DCC: variants seen among roughly 807,000 people sequenced by gnomAD.
DCC encodes the protein DCC netrin 1 receptor.
DCC carries 58 observed loss-of-function variants against 172.5 expected under a neutral mutation model. The ratio of observed to expected loss-of-function variants is 0.34; its 90% CI spans 0.27 to 0.42. The LOEUF (loss-of-function observed/expected upper bound fraction) is 0.42, where lower values mean the gene tolerates loss of function less well. DCC is among the 10% of genes least tolerant of loss of function. The pLI is 1.00. For missense variants in DCC, 1,740 were observed against 1,791.0 expected, an observed-to-expected ratio of 0.97 and a Z score of 0.51; for synonymous variants, 709 against 644.5, an observed-to-expected ratio of 1.10 and a Z score of -1.52.
chr18:52,954,102 C>G (rs1370285344), intron 5 of DCC, among the ~76,000 whole-genome samples: 1 of 152,182 alleles, frequency 6.6e-6, no homozygotes, highest in Admixed American at 6.5e-5. Context: ...CTGTGTTCAA[C>G]TTCCCTTTCA....
intron 5 of DCC, among the ~76,000 whole-genome samples, chr18:52,979,266 G>C (rs1422706655): frequency 6.6e-6 from 1 of 152,158 alleles, no homozygotes; most frequent in Admixed American, 6.5e-5. Flanking sequence ...CGGAGGAGAG[G>C]GGAAGGAATC....
At chr18:53,210,656 T>G (rs890872862) in intron 11 of DCC, among the ~76,000 whole-genome samples, 2 of 152,202 alleles carry the variant, frequency 1.3e-5, no homozygotes, top group African/African-American at 4.8e-5. Flanking sequence ...TATGACTGTG[T>G]CTAAATGCAT....
At chr18:53,460,977 C>T (rs1226951268) in intron 24 of DCC, among the ~76,000 whole-genome samples, 1 of 152,188 alleles carries the variant, frequency 6.6e-6, no homozygotes, top group East Asian at 1.9e-4. Flanking sequence ...GCCATTCTAA[C>T]TGGTGTGAGA....
intron 27 of DCC, among the ~76,000 whole-genome samples, chr18:53,504,524 G>A (rs2046145475): frequency 6.6e-6 from 1 of 152,116 alleles, no homozygotes; most frequent in South Asian, 2.1e-4. Context: ...TGGCTTTTTG[G>A]TAGACATCTC....
chr18:52,644,750 AAGAG>A (rs143579340), intron 1 of DCC, among the ~76,000 whole-genome samples: 4,528 of 142,280 alleles, frequency 0.032, 168 homozygotes, highest in African/African-American at 0.089. Flanking sequence ...TTAAGAAAGA[AAGAG>A]AGAAAGAGAG....
intron 12 of DCC, among the ~76,000 whole-genome samples, chr18:53,285,684 C>G (rs2056927599): frequency 6.6e-6 from 1 of 152,198 alleles, no homozygotes; most frequent in African/African-American, 2.4e-5. Flanking sequence ...ATCCTCCAGA[C>G]CCCAGAATGG....
intron 1 of DCC, among the ~76,000 whole-genome samples, chr18:52,562,454 C>T (rs1480151659): frequency 3.3e-5 from 5 of 152,066 alleles, no homozygotes; most frequent in Non-Finnish European, 7.4e-5. Context: ...AACCACTGTT[C>T]TTACTTTATT....
intron 8 of DCC, among the ~76,000 whole-genome samples, chr18:53,160,918 T>A (rs912093597): frequency 1.3e-5 from 2 of 152,226 alleles, no homozygotes; most frequent in Admixed American, 6.5e-5. Flanking sequence ...GCCTGTACTC[T>A]TTAAAGCGAA....
At chr18:52,985,766 C>A (rs1309836027) in intron 5 of DCC, among the ~76,000 whole-genome samples, 1 of 150,884 alleles carries the variant, frequency 6.6e-6, no homozygotes, top group East Asian at 1.9e-4. Flanking sequence ...ATTTATTTAT[C>A]TTTTGGCTCA....
At chr18:53,132,377 G>GCT (rs2043670536) in intron 7 of DCC, among the ~76,000 whole-genome samples, 1 of 152,052 alleles carries the variant, frequency 6.6e-6, no homozygotes, top group African/African-American at 2.4e-5. Flanking sequence ...CTGTAGGCTT[G>GCT]CTCCAGCACA....
intron 12 of DCC, among the ~76,000 whole-genome samples, chr18:53,264,989 C>T (rs1276824834): frequency 3.9e-5 from 6 of 152,132 alleles, no homozygotes; most frequent in Non-Finnish European, 7.4e-5. Flanking sequence ...TCAGTGTTTG[C>T]TGAGTGTTTT....
intron 15 of DCC, among the ~76,000 whole-genome samples, chr18:53,356,973 G>A (rs1045308387): frequency 6.6e-6 from 1 of 152,170 alleles, no homozygotes; most frequent in African/African-American, 2.4e-5. Flanking sequence ...AGAAGTCGCT[G>A]AAGTGATCTT....
At chr18:52,500,529 T>A (rs1257777012) in intron 1 of DCC, among the ~76,000 whole-genome samples, 3 of 152,192 alleles carry the variant, frequency 2.0e-5, no homozygotes, top group Non-Finnish European at 4.4e-5. Flanking sequence ...CTTCCTTTGT[T>A]GTACAATTAT....
chr18:53,430,006 C>T (rs925464161), intron 21 of DCC, among the ~76,000 whole-genome samples: 5 of 151,990 alleles, frequency 3.3e-5, no homozygotes, highest in Non-Finnish European at 7.4e-5. Flanking sequence ...CCTGGTAAAC[C>T]GATCTTTTAG....
intron 1 of DCC, among the ~76,000 whole-genome samples, chr18:52,458,420 T>C (rs906962352): frequency 1.3e-5 from 2 of 152,168 alleles, no homozygotes; most frequent in African/African-American, 4.8e-5. Flanking sequence ...CGTTCAATCT[T>C]AAGCAGCAGA....
chr18:53,114,649 G>A (rs1004441321), intron 7 of DCC, among the ~76,000 whole-genome samples: 1 of 151,484 alleles, frequency 6.6e-6, no homozygotes, highest in African/African-American at 2.4e-5. Context: ...TATTCTCTTT[G>A]CAAAGTAGAG....
intron 12 of DCC, among the ~76,000 whole-genome samples, chr18:53,245,215 A>G (rs890843061): frequency 6.6e-6 from 1 of 152,096 alleles, no homozygotes; most frequent in Non-Finnish European, 1.5e-5. Context: ...TTCCTTCCCC[A>G]TTTCAATCAG....
At chr18:53,218,285 G>C (rs939449423) in intron 12 of DCC, among the ~76,000 whole-genome samples, 7 of 151,962 alleles carry the variant, frequency 4.6e-5, no homozygotes, top group Non-Finnish European at 1.0e-4. Flanking sequence ...AAATAACTTG[G>C]TGCAACTAAC....
intron 2 of DCC, among the ~76,000 whole-genome samples, chr18:52,782,920 G>A (rs1006787577): frequency 3.3e-5 from 5 of 152,046 alleles, no homozygotes; most frequent in African/African-American, 9.7e-5. Flanking sequence ...TGCCCAGCAA[G>A]GTAAATCATC....
Sources: allele counts gnomAD v4.1 joint callset (sites outside exome capture counted in the v4.1 genomes callset), GRCh38; gene constraint gnomAD v4.1.1; transcripts MANE v1.5; gene names NCBI Gene and HGNC (gene_info 2026-07-23, HGNC 2026-07-21).